RBMS1: variants seen among roughly 807,000 people sequenced by gnomAD.
RBMS1 encodes RNA-binding motif, single-stranded-interacting protein 1.
Under a neutral mutation model 62.3 loss-of-function variants are expected in RBMS1, and 17 were observed. That is an observed-to-expected ratio of 0.27 (90% CI 0.19 to 0.41). The LOEUF (loss-of-function observed/expected upper bound fraction) is 0.41, where lower values mean the gene tolerates loss of function less well. RBMS1 is among the 10% of genes least tolerant of loss of function. RBMS1 has a pLI of 1.00. For synonymous variants in RBMS1, 172 were observed against 170.0 expected (o/e 1.01, Z -0.09); for missense variants, 334 against 504.5 (o/e 0.66, Z 3.24).
chr2:160,276,339 T>TACTACC (rs1553498706), intron 12 of RBMS1, among the ~76,000 whole-genome samples: 9 of 150,740 alleles, frequency 6.0e-5, no homozygotes, highest in African/African-American at 2.2e-4. Flanking sequence ...AAAATACTAC[T>TACTACC]ACCACCACCA....
rs1200874502 is a variant in RBMS1, at chr2:160,493,458, AGCGGCGGCGGCGGCG to A, written c.-110_-96del. 3 of 1,219,538 alleles carry A rather than the reference AGCGGCGGCGGCGGCG, an allele frequency of 2.5e-6. No individual in the cohort carries two copies. The highest frequency in any genetic ancestry group is 2.0e-5 in the Admixed American group (1 of 51,190). 75.5% of individuals were successfully genotyped at this position (1,219,538 alleles called of 1,614,324 possible). A position where few individuals can be genotyped will look rare whatever the true frequency, so the allele number is the denominator to read the frequency against. ...CCTCTCCCTTTCCGGCGGCGGCGGCAGCGGCGGCGGCGGCGGCGGCTGCTGCTGCTGCCGCTGCTC... is the reference window on the plus strand; with the variant it reads ...CCTCTCCCTTTCCGGCGGCGGCGGCAGCGGCTGCTGCTGCTGCCGCTGCTC... On this transcript the variant is annotated 5_prime_UTR_variant, in exon 1 of 14. Transcript: ENST00000348849.
chr2:160,453,269 G>T (rs906180806), intron 1 of RBMS1, among the ~76,000 whole-genome samples: 6 of 151,904 alleles, frequency 3.9e-5, no homozygotes, highest in Non-Finnish European at 7.4e-5. Context: ...GCTTCCAGAT[G>T]GACAAAATTA....
At chr2:160,445,047 A>G (rs1416597696) in intron 1 of RBMS1, among the ~76,000 whole-genome samples, 1 of 152,214 alleles carries the variant, frequency 6.6e-6, no homozygotes, top group Non-Finnish European at 1.5e-5. Context: ...CTTCCCAGAG[A>G]CTTCCAAATA....
rs1004062744 is a variant in RBMS1, at chr2:160,390,747, C to T, written c.76-23356G>A. ...TTTTGGCTGGAATGGCAGGTATGAA[C>T]TTGCACAAAGCAGAGGATGGGAAGA... On this transcript the variant is annotated intron_variant, in intron 1 of 13. Coordinates refer to ENST00000348849, the MANE Select transcript of RBMS1 (RefSeq NM_016836.4). Among the ~76,000 whole-genome samples, 6 of 145,246 alleles carry T rather than the reference C, an allele frequency of 4.1e-5. No individual in the cohort carries two copies. The East Asian group carries it at 1.2e-3, about 30-fold the overall frequency.
At chr2:160,342,118 C>G (rs1691905030) in intron 2 of RBMS1, among the ~76,000 whole-genome samples, 1 of 152,106 alleles carries the variant, frequency 6.6e-6, no homozygotes, top group Admixed American at 6.6e-5. Context: ...GGCATAATAT[C>G]ATTAAACTGG....
At chr2:160,430,695 T>C (rs1021090876) in intron 1 of RBMS1, among the ~76,000 whole-genome samples, 1 of 152,204 alleles carries the variant, frequency 6.6e-6, no homozygotes, top group African/African-American at 2.4e-5. Context: ...TTGGGACCTG[T>C]GCCTCTTTAT....
intron 2 of RBMS1, among the ~76,000 whole-genome samples, chr2:160,361,430 C>T (rs1226437918): frequency 6.6e-6 from 1 of 152,174 alleles, no homozygotes. Flanking sequence ...GAGCAATAAT[C>T]AGGGGTGGGT....
At chr2:160,314,277 A>C (rs1690091651) in intron 3 of RBMS1, among the ~76,000 whole-genome samples, 1 of 152,320 alleles carries the variant, frequency 6.6e-6, no homozygotes, top group Middle Eastern at 3.4e-3. Context: ...TATTGAGAAA[A>C]GGGTCAAGTT....
rs957309412 is a variant in RBMS1, at chr2:160,460,188, C to T, written c.75+33101G>A. On this transcript the variant is annotated intron_variant, in intron 1 of 13. Coordinates refer to ENST00000348849, the MANE Select transcript of RBMS1 (RefSeq NM_016836.4). ...GGTCATAACTTTGAAGAGGCATCTGCTTTTTGCTTTTTGTGGGGAATAGGG... is the reference window on the plus strand; with the variant it reads ...GGTCATAACTTTGAAGAGGCATCTGTTTTTTGCTTTTTGTGGGGAATAGGG... Among the ~76,000 whole-genome samples, 8 of 152,270 alleles carry T rather than the reference C, an allele frequency of 5.3e-5. 1 individual carries two copies. In the South Asian group the frequency reaches 6.2e-4, roughly 12 times the overall value.
In RBMS1 at chr2:160,454,976, T is replaced by C. The variant is rs1289497014; in HGVS notation, c.75+38313A>G. Among the ~76,000 whole-genome samples, 3 of 152,206 alleles carry C rather than the reference T, an allele frequency of 2.0e-5. No individual in the cohort carries two copies. In the East Asian group the frequency reaches 5.8e-4, roughly 29 times the overall value. On this transcript the variant is annotated intron_variant, in intron 1 of 13. Coordinates refer to ENST00000348849, the MANE Select transcript of RBMS1 (RefSeq NM_016836.4). ...CAGTCAAATATTTGTCTCTGATCAT[T>C]CTTAAAAGTTAAATTCAAACCACCT...
At chr2:160,453,340 T>C (rs1355822204) in intron 1 of RBMS1, among the ~76,000 whole-genome samples, 2 of 152,116 alleles carry the variant, frequency 1.3e-5, no homozygotes, top group Non-Finnish European at 2.9e-5. Context: ...CTGGATCCTT[T>C]CCAAAAGTTT....
chr2:160,376,758 C>G (rs779803617), intron 1 of RBMS1, among the ~76,000 whole-genome samples: 7 of 152,160 alleles, frequency 4.6e-5, no homozygotes, highest in Non-Finnish European at 7.4e-5. Flanking sequence ...GTCACAGCCT[C>G]CCACGTAGCT....
Position 160,451,093 on chromosome 2 carries a change from C to G in RBMS1, c.75+42196G>C, listed in dbSNP as rs187747933. On this transcript the variant is annotated intron_variant, in intron 1 of 13. Transcript: ENST00000348849. ...ATCCCTTGAGCCCAGGAGTTTGAGG[C>G]TGCAGTGAGCTGTGATGAGCACCAC... Among the ~76,000 whole-genome samples the G allele has an allele frequency of 3.3e-5, 5 of 150,704 alleles. No individual in the cohort carries two copies. The East Asian group carries it at 9.7e-4, about 29-fold the overall frequency.
At chr2:160,430,914 G>A (rs1051161366) in intron 1 of RBMS1, among the ~76,000 whole-genome samples, 2 of 151,576 alleles carry the variant, frequency 1.3e-5, no homozygotes, top group African/African-American at 2.4e-5. Context: ...ATGATGGGGC[G>A]CTTAGCACCA....
intron 1 of RBMS1, among the ~76,000 whole-genome samples, chr2:160,393,297 C>CT (rs1278640817): frequency 2.0e-5 from 3 of 152,186 alleles, no homozygotes; most frequent in Non-Finnish European, 4.4e-5. Flanking sequence ...ATCTGAAGCT[C>CT]TTATGGCACT....
At chr2:160,467,430 C>T (rs922938009) in intron 1 of RBMS1, among the ~76,000 whole-genome samples, 3 of 152,154 alleles carry the variant, frequency 2.0e-5, no homozygotes, top group Non-Finnish European at 2.9e-5. Context: ...CAGCAAGGAA[C>T]AGTGACGAAA....
At chr2:160,280,272 T>C (rs1688035656) in intron 10 of RBMS1, among the ~76,000 whole-genome samples, 1 of 152,194 alleles carries the variant, frequency 6.6e-6, no homozygotes, top group Non-Finnish European at 1.5e-5. Flanking sequence ...TTTGAAGATG[T>C]GTCTATGTAT....
intron 1 of RBMS1, among the ~76,000 whole-genome samples, chr2:160,395,516 T>C (rs917290240): frequency 6.0e-5 from 9 of 149,374 alleles, no homozygotes; most frequent in South Asian, 4.2e-4. Flanking sequence ...CCTAGCTACT[T>C]GGGAGGCTGA....
chr2:160,463,204 G>T (rs1485141383), intron 1 of RBMS1, among the ~76,000 whole-genome samples: 1 of 152,154 alleles, frequency 6.6e-6, no homozygotes, highest in South Asian at 2.1e-4. Context: ...ATGATAACCT[G>T]TTCTAGAAAA....
Sources: allele counts gnomAD v4.1 joint callset (sites outside exome capture counted in the v4.1 genomes callset), GRCh38; gene constraint gnomAD v4.1.1; transcripts MANE v1.5; gene names NCBI Gene and HGNC (gene_info 2026-07-23, HGNC 2026-07-21).